The following ACO1 variants were observed in gnomAD, a reference collection of about 807,000 sequenced individuals.
The protein encoded by ACO1 is cytoplasmic aconitate hydratase.
Under a neutral mutation model 105.1 loss-of-function variants are expected in ACO1, and 78 were observed. That is an observed-to-expected ratio of 0.74 (90% CI 0.62 to 0.90). The LOEUF (loss-of-function observed/expected upper bound fraction) is 0.90. Ranked by LOEUF, ACO1 falls within the 40% of genes least tolerant of loss-of-function variation. ACO1 has a pLI of 0.00. For synonymous variants in ACO1, 364 were observed against 397.4 expected, an observed-to-expected ratio of 0.92 and a Z score of 1.00; for missense variants, 965 against 1,111.1, an observed-to-expected ratio of 0.87 and a Z score of 1.87.
rs758689627 is a variant in ACO1, at chr9:32,427,266, C to A, written c.1349-35C>A. ...TGTGCCTGGCACCTAGAGCAGGCAG[C>A]CTCCCACACTGCATCTGTGTTTACC... is the stretch of plus-strand genomic sequence containing the variant. On this transcript the variant is annotated intron_variant, in intron 11 of 20. Transcript: ENST00000309951. The A allele has an allele frequency of 5.0e-6, 8 of 1,585,234 alleles. No homozygotes were observed. The South Asian group carries it at 8.8e-5, about 17-fold the overall frequency.
intron 12 of ACO1, among the ~76,000 whole-genome samples, chr9:32,429,187 G>C (rs1272050144): frequency 6.6e-6 from 1 of 151,996 alleles, no homozygotes; most frequent in East Asian, 1.9e-4. Context: ...TTTTTAAATT[G>C]TTGCTCATTC....
At chr9:32,440,314 G>A (rs1822448644) in intron 18 of ACO1, 151 bp from the exon 19 acceptor site, 1 of 719,622 alleles carries the variant, frequency 1.4e-6, no homozygotes, top group Non-Finnish European at 2.2e-6. Context: ...GAAGTAAAAA[G>A]ATCAAGATAA....
At chr9:32,406,671 G>A (rs1225762589) in intron 2 of ACO1, among the ~76,000 whole-genome samples, 1 of 152,196 alleles carries the variant, frequency 6.6e-6, no homozygotes, top group Admixed American at 6.5e-5. Context: ...CTGATGGTGA[G>A]ATGTGATGAC....
intron 19 of ACO1, among the ~76,000 whole-genome samples, chr9:32,441,967 C>CT (rs1016927723): frequency 1.3e-5 from 2 of 152,180 alleles, no homozygotes; most frequent in African/African-American, 4.8e-5. Context: ...GTTTAGAAAG[C>CT]TTTCTACCTC....
At chr9:32,402,609 T>C (rs954715328) in intron 1 of ACO1, among the ~76,000 whole-genome samples, 9 of 152,148 alleles carry the variant, frequency 5.9e-5, no homozygotes, top group Non-Finnish European at 1.3e-4. Context: ...GGACCAGTGA[T>C]AATACTCAAG....
chr9:32,404,439 C>T (rs959863533), intron 1 of ACO1, among the ~76,000 whole-genome samples: 7 of 150,442 alleles, frequency 4.7e-5, no homozygotes, highest in African/African-American at 1.5e-4. Context: ...CATCATGCCA[C>T]AGATCCACAC....
chr9:32,388,545 C>T (rs1587506085), intron 1 of ACO1, among the ~76,000 whole-genome samples: 1 of 151,950 alleles, frequency 6.6e-6, no homozygotes, highest in South Asian at 2.1e-4. Context: ...AAAAAATCCT[C>T]GTTATATATG....
chr9:32,437,982 C>G (rs1181197568), intron 18 of ACO1, among the ~76,000 whole-genome samples: 1 of 151,830 alleles, frequency 6.6e-6, no homozygotes, highest in African/African-American at 2.4e-5. Context: ...TATTTCAAAA[C>G]AAAACAAAAA....
In ACO1 at chr9:32,423,341, G is replaced by A. The variant is rs763726860; in HGVS notation, c.993G>A (p.Lys331=). 2 of 1,594,610 alleles carry A rather than the reference G, an allele frequency of 1.3e-6. No homozygotes were observed. The highest frequency in any genetic ancestry group is 1.4e-5 in the African/African-American group (1 of 73,794). ...TAGGTCGTGATGAAGAAAAATTAAAGTATATTAAAAAATATCTTCAGGCTG... is the reference window on the plus strand; with the variant it reads ...TAGGTCGTGATGAAGAAAAATTAAAATATATTAAAAAATATCTTCAGGCTG... The part of the protein sequence containing the change: ...VQTGRDEEKL[K]YIKKYLQAVG... The change falls in exon 9 of 21, where the codon AAG becomes AAA. Residue 331 remains lysine (K), a synonymous_variant. Coordinates refer to ENST00000309951, the MANE Select transcript of ACO1 (RefSeq NM_002197.3).
intron 8 of ACO1, among the ~76,000 whole-genome samples, chr9:32,422,175 G>T (rs1482981353): frequency 2.0e-5 from 3 of 152,200 alleles, no homozygotes; most frequent in Admixed American, 6.5e-5. Context: ...AGGTTAGTTG[G>T]TTAGTTCCCG....
intron 4 of ACO1, among the ~76,000 whole-genome samples, chr9:32,409,631 G>A (rs763969331): frequency 2.6e-5 from 4 of 151,688 alleles, no homozygotes; most frequent in Non-Finnish European, 4.4e-5. Flanking sequence ...CAGGAGGATC[G>A]CTTGAGCCCA....
chr9:32,395,363 C>T (rs750879432), intron 1 of ACO1, among the ~76,000 whole-genome samples: 3 of 152,118 alleles, frequency 2.0e-5, no homozygotes, highest in South Asian at 2.1e-4. Flanking sequence ...GTAATCCCAG[C>T]GACTCCAGAG....
intron 4 of ACO1, among the ~76,000 whole-genome samples, chr9:32,410,349 G>T (rs759083924): frequency 6.6e-6 from 1 of 152,094 alleles, no homozygotes; most frequent in African/African-American, 2.4e-5. Context: ...ACAAGGTCAG[G>T]AGATCAAGAC....
rs182963746 is a variant in ACO1, at chr9:32,424,912, C to G, written c.1188+247C>G. 5.7e-3 allele frequency among the ~76,000 whole-genome samples: 720 copies of G among 125,796 alleles called. 5 individuals carry two copies. Among genetic ancestry groups the G allele is most frequent in the African/African-American group, 0.021 (679 of 32,694 alleles). 82.5% of individuals were successfully genotyped at this position (125,796 alleles called of 152,430 possible). On this transcript the variant is annotated intron_variant, in intron 10 of 20. Transcript: ENST00000309951. ...TGCTTTTCACAGGACCCTCACCACACTGTTTACTCACCCGAGGTTTTCTAG... is the reference window on the plus strand; with the variant it reads ...TGCTTTTCACAGGACCCTCACCACAGTGTTTACTCACCCGAGGTTTTCTAG...
chr9:32,434,482 C>A (rs1037052867), intron 16 of ACO1, 77 bp from the exon 17 acceptor site: 4 of 1,554,236 alleles, frequency 2.6e-6, no homozygotes, highest in African/African-American at 2.7e-5. Context: ...GGTCCATGGG[C>A]CACCATCGTA....
chr9:32,433,064 CAGAGCAAG>C (rs926387618), intron 15 of ACO1, among the ~76,000 whole-genome samples: 6 of 152,116 alleles, frequency 3.9e-5, no homozygotes, highest in South Asian at 2.1e-4. Context: ...TGGCTTCCAT[CAGAGCAAG>C]AGAGCAAGAG....
intron 8 of ACO1, among the ~76,000 whole-genome samples, chr9:32,422,555 A>C (rs1375895162): frequency 2.6e-5 from 4 of 152,200 alleles, no homozygotes; most frequent in African/African-American, 7.2e-5. Context: ...TGTGGACTGC[A>C]TGTCCGTTGG....
rs540276819 is a variant in ACO1, at chr9:32,431,706, AT to A, written c.1727-7del. On this transcript the variant is annotated splice_polypyrimidine_tract_variant and intron_variant, in intron 14 of 20. Transcript: ENST00000309951. ...TTAGAAAGTTTTCTCATTAATAAAC[AT>A]TTTTTCCCCAGGAGTAAATGCAAAG... is the stretch of plus-strand genomic sequence containing the variant. 2.1e-4 allele frequency: 336 copies of A among 1,613,534 alleles called. 3 individuals carry two copies. The South Asian group carries it at 3.4e-3, about 16-fold the overall frequency.
intron 20 of ACO1, among the ~76,000 whole-genome samples, chr9:32,449,554 C>G (rs1822708293): frequency 6.6e-6 from 1 of 152,136 alleles, no homozygotes; most frequent in South Asian, 2.1e-4. Context: ...TTCGGTGCCC[C>G]AGACAGAGGC....
Sources: allele counts gnomAD v4.1 joint callset (sites outside exome capture counted in the v4.1 genomes callset), GRCh38; gene constraint gnomAD v4.1.1; transcripts MANE v1.5; gene names NCBI Gene and HGNC (gene_info 2026-07-23, HGNC 2026-07-21).